Variants in CCDC169 observed in about 807,000 individuals in gnomAD.
CCDC169 encodes coiled-coil domain containing 169, also known as coiled-coil domain-containing protein 169.
CCDC169 carries 30 observed loss-of-function variants against 36.0 expected under a neutral mutation model. The observed-to-expected ratio is 0.83, with a 90% CI of 0.62 to 1.13. The LOEUF (loss-of-function observed/expected upper bound fraction) is 1.13. CCDC169 is among the 50% of genes most tolerant of loss of function. CCDC169 has a pLI of 0.00. For synonymous variants in CCDC169, 85 were observed against 81.5 expected, an observed-to-expected ratio of 1.04 and a Z score of -0.23; for missense variants, 245 against 245.9, an observed-to-expected ratio of 1.00 and a Z score of 0.03.
chr13:36,289,852 T>C (rs1427119133), intron 2 of CCDC169, among the ~76,000 whole-genome samples: 1 of 152,212 alleles, frequency 6.6e-6, no homozygotes, highest in Non-Finnish European at 1.5e-5. Flanking sequence ...TCAAATGTTT[T>C]GAGCCCTTTA....
At chr13:36,263,792 A>G (rs1005760639) in intron 4 of CCDC169, among the ~76,000 whole-genome samples, 3 of 152,244 alleles carry the variant, frequency 2.0e-5, no homozygotes, top group Non-Finnish European at 4.4e-5. Context: ...AAGAAAATCA[A>G]TAAAAGGTAA....
intron 4 of CCDC169, among the ~76,000 whole-genome samples, chr13:36,270,334 G>A (rs1251608137): frequency 6.6e-6 from 1 of 151,936 alleles, no homozygotes; most frequent in Non-Finnish European, 1.5e-5. Flanking sequence ...TTGTGAAAAG[G>A]ACCATATTGC....
chr13:36,241,381 T>C (rs549117057), intron 7 of CCDC169, among the ~76,000 whole-genome samples: 2 of 120,386 alleles, frequency 1.7e-5, no homozygotes, highest in Non-Finnish European at 4.0e-5. Flanking sequence ...GATGCCATCA[T>C]GTCACAATTA....
At chr13:36,233,192 A>G (rs1052482023) in intron 7 of CCDC169, among the ~76,000 whole-genome samples, 3 of 151,840 alleles carry the variant, frequency 2.0e-5, no homozygotes, top group African/African-American at 7.2e-5. Context: ...AAATCTGTTC[A>G]ATCATTAGCT....
chr13:36,280,618 T>C (rs1448578994), intron 4 of CCDC169: 3 of 152,240 alleles, frequency 2.0e-5, no homozygotes, highest in African/African-American at 7.2e-5. Flanking sequence ...TGTAATCCTT[T>C]TTCACTTTGT....
Position 36,230,938 on chromosome 13 carries a change from G to T in CCDC169, c.*255C>A. The T allele has an allele frequency of 8.4e-7, 1 of 1,186,478 alleles. No homozygotes were observed. Among genetic ancestry groups the T allele is most frequent in the Non-Finnish European group, 1.0e-6 (1 of 957,436 alleles). 73.5% of individuals were successfully genotyped at this position (1,186,478 alleles called of 1,614,324 possible). ...CATGGGTATATTATTGAAAGCAAGT[G>T]TAATGATGCCAGCCTTCAGATTCCC... On this transcript the variant is annotated 3_prime_UTR_variant, in exon 8 of 8. Transcript: ENST00000239859.
intron 4 of CCDC169, among the ~76,000 whole-genome samples, chr13:36,263,825 A>T (rs1874908551): frequency 6.6e-6 from 1 of 152,184 alleles, no homozygotes; most frequent in Non-Finnish European, 1.5e-5. Flanking sequence ...AGCTAAACTG[A>T]ATCATTTTAT....
chr13:36,230,261 A>T (rs544666470), downstream of CCDC169, among the ~76,000 whole-genome samples: 3 of 152,354 alleles, frequency 2.0e-5, no homozygotes, highest in African/African-American at 7.2e-5. Flanking sequence ...CTGAAGTCCA[A>T]TGATTTCACT....
At chr13:36,226,838 G>C, downstream of CCDC169, 1 of 301,940 alleles carries the variant, frequency 3.3e-6, no homozygotes, top group Non-Finnish European at 6.0e-6. Flanking sequence ...AATAACTTTC[G>C]GCTACTATGC....
At chr13:36,231,645 T>C (rs4636786) in intron 7 of CCDC169, among the ~76,000 whole-genome samples, 61,970 of 151,908 alleles carry the variant, frequency 0.41, 13,331 homozygotes, top group Non-Finnish European at 0.48. Flanking sequence ...TAATGACTTA[T>C]GTGGCACTAA....
intron 4 of CCDC169, among the ~76,000 whole-genome samples, chr13:36,271,190 G>T (rs1876004176): frequency 6.6e-6 from 1 of 152,098 alleles, no homozygotes; most frequent in East Asian, 1.9e-4. Context: ...TCAGGGAAAT[G>T]TAAACTAAAA....
downstream of CCDC169, chr13:36,225,920 T>C (rs982985825): frequency 4.6e-5 from 7 of 152,152 alleles, no homozygotes; most frequent in Non-Finnish European, 7.3e-5. Context: ...ATGGCTATTA[T>C]TGAAAAGTAA....
At position 36,272,511 on chromosome 13, in the gene CCDC169, A is replaced by G. The variant is rs144510726; in HGVS notation, c.315+10958T>C. Among the ~76,000 whole-genome samples, 1,430 of 152,290 alleles carry G rather than the reference A, an allele frequency of 9.4e-3. 24 individuals carry two copies. Among genetic ancestry groups the G allele is most frequent in the South Asian group, 0.063 (305 of 4,828 alleles). On this transcript the variant is annotated intron_variant, in intron 4 of 7. Coordinates refer to ENST00000239859, the MANE Select transcript of CCDC169 (RefSeq NM_001144981.3). ...AGTCTGTGAGGTTCATTGTTGGGTCACCACACTAACTTTTCTATTTTTTTA... is the reference window on the plus strand; with the variant it reads ...AGTCTGTGAGGTTCATTGTTGGGTCGCCACACTAACTTTTCTATTTTTTTA...
intron 4 of CCDC169, among the ~76,000 whole-genome samples, chr13:36,277,278 A>C (rs1432946417): frequency 6.6e-6 from 1 of 152,062 alleles, no homozygotes; most frequent in Non-Finnish European, 1.5e-5. Flanking sequence ...ACACATGGAC[A>C]CAGAGAGGGG....
chr13:36,237,608 A>G (rs1464168722), intron 7 of CCDC169, among the ~76,000 whole-genome samples: 2 of 152,180 alleles, frequency 1.3e-5, no homozygotes, highest in Non-Finnish European at 2.9e-5. Context: ...TCTGTCACAG[A>G]AAGGAATAAG....
intron 7 of CCDC169, among the ~76,000 whole-genome samples, chr13:36,245,777 G>A (rs934146768): frequency 6.6e-6 from 1 of 152,086 alleles, no homozygotes; most frequent in African/African-American, 2.4e-5. Flanking sequence ...ACTTTATTGT[G>A]CTTCAAAGAT....
chr13:36,249,941 C>G (rs1284583798), intron 6 of CCDC169, among the ~76,000 whole-genome samples: 1 of 137,948 alleles, frequency 7.2e-6, no homozygotes, highest in South Asian at 2.4e-4. Context: ...TATATTGGAA[C>G]AGAAAATAGA....
downstream of CCDC169, chr13:36,226,837 C>T (rs548086561): frequency 2.7e-5 from 8 of 300,922 alleles, no homozygotes; most frequent in South Asian, 1.6e-4. Context: ...AAATAACTTT[C>T]GGCTACTATG....
chr13:36,291,293 C>G (rs547517615), intron 2 of CCDC169, among the ~76,000 whole-genome samples: 98 of 144,204 alleles, frequency 6.8e-4, no homozygotes, highest in African/African-American at 1.9e-3. Flanking sequence ...AAAGCTTTCC[C>G]AAATTTATTT....
Sources: gnomAD v4.1 joint callset for allele counts (sites outside exome capture counted in the v4.1 genomes callset) on GRCh38, gnomAD v4.1.1 for gene constraint, MANE v1.5 for transcripts, NCBI Gene and HGNC (gene_info 2026-07-23, HGNC 2026-07-21) for gene names.